FER: variants seen among roughly 807,000 people sequenced by gnomAD.
The protein encoded by FER is tyrosine-protein kinase Fer.
In FER, 63 loss-of-function variants were observed where a neutral mutation model predicts 111.0. The observed-to-expected ratio is 0.57, with a 90% CI of 0.46 to 0.70. The LOEUF (loss-of-function observed/expected upper bound fraction) is 0.70, where lower values mean the gene tolerates loss of function less well. Among genes scored for constraint, FER ranks in the 30% least tolerant of loss-of-function variants. The pLI, the probability that FER is intolerant of heterozygous loss-of-function variation, is 0.00. For missense variants in FER, 914 were observed against 954.0 expected (o/e 0.96, Z 0.55); for synonymous variants, 327 against 313.9 (o/e 1.04, Z -0.44).
At chr5:108,895,981 C>T (rs973583730) in intron 9 of FER, among the ~76,000 whole-genome samples, 12 of 151,782 alleles carry the variant, frequency 7.9e-5, no homozygotes, top group Non-Finnish European at 1.8e-4. Context: ...TGTAAAATTA[C>T]TGTAACAATA....
intron 17 of FER, among the ~76,000 whole-genome samples, chr5:109,126,718 T>G (rs544578535): frequency 2.2e-3 from 332 of 152,300 alleles, no homozygotes; most frequent in Non-Finnish European, 3.7e-3. Context: ...GAATTGCTCC[T>G]TGTCATTATG....
chr5:109,090,592 A>T (rs1426186288), intron 16 of FER, among the ~76,000 whole-genome samples: 1 of 152,218 alleles, frequency 6.6e-6, no homozygotes, highest in Non-Finnish European at 1.5e-5. Context: ...AAACAAAAAA[A>T]TCAGGAAAAC....
intron 17 of FER, among the ~76,000 whole-genome samples, chr5:109,105,775 C>G (rs960704955): frequency 6.6e-6 from 1 of 152,196 alleles, no homozygotes; most frequent in African/African-American, 2.4e-5. Flanking sequence ...TTATTAAGGG[C>G]TCACTGAGTA....
chr5:109,168,055 T>G (rs1756739613), intron 17 of FER, among the ~76,000 whole-genome samples: 1 of 152,178 alleles, frequency 6.6e-6, no homozygotes, highest in Non-Finnish European at 1.5e-5. Flanking sequence ...CTGAGACCAC[T>G]CCTGCTTTGG....
intron 14 of FER, among the ~76,000 whole-genome samples, chr5:109,038,057 C>A (rs2149883302): frequency 1.3e-5 from 2 of 151,730 alleles, no homozygotes; most frequent in South Asian, 4.2e-4. Context: ...CCTTTTCTTC[C>A]AATGTAGTTG....
At chr5:109,032,737 A>C (rs1000082479) in intron 13 of FER, among the ~76,000 whole-genome samples, 2 of 152,214 alleles carry the variant, frequency 1.3e-5, no homozygotes, top group African/African-American at 2.4e-5. Context: ...AAGGCCACCA[A>C]AATCTTTATA....
At chr5:108,883,035 A>G (rs1242872946) in intron 8 of FER, among the ~76,000 whole-genome samples, 1 of 152,024 alleles carries the variant, frequency 6.6e-6, no homozygotes, top group Non-Finnish European at 1.5e-5. Flanking sequence ...AACATCTGCA[A>G]ATAATACTAC....
chr5:109,182,790 C>G (rs372543803), intron 18 of FER, among the ~76,000 whole-genome samples: 3 of 152,198 alleles, frequency 2.0e-5, no homozygotes, highest in African/African-American at 7.2e-5. Context: ...CTGGATATAT[C>G]TAACAGCCAG....
chr5:108,936,837 A>G (rs1755540675), intron 10 of FER, among the ~76,000 whole-genome samples: 1 of 152,072 alleles, frequency 6.6e-6, no homozygotes, highest in Non-Finnish European at 1.5e-5. Context: ...AAATAATTAG[A>G]AAAATCAATC....
intron 16 of FER, among the ~76,000 whole-genome samples, chr5:109,098,882 T>A (rs574444529): frequency 6.6e-6 from 1 of 151,742 alleles, no homozygotes; most frequent in South Asian, 2.1e-4. Context: ...ACTTAATCTG[T>A]GAATAAGAGA....
intron 12 of FER, among the ~76,000 whole-genome samples, chr5:108,955,958 T>C (rs1246001919): frequency 2.6e-5 from 4 of 151,836 alleles, no homozygotes; most frequent in Non-Finnish European, 5.9e-5. Flanking sequence ...TTAGTACATT[T>C]ACATCTCGTA....
chr5:109,166,942 G>T (rs1756616122), intron 17 of FER, among the ~76,000 whole-genome samples: 1 of 146,930 alleles, frequency 6.8e-6, no homozygotes, highest in Admixed American at 6.7e-5. Context: ...ACCACATTCT[G>T]CTAGGTTAGC....
intron 2 of FER, among the ~76,000 whole-genome samples, chr5:108,779,010 CTT>C (rs202242084): frequency 3.5e-5 from 5 of 143,348 alleles, no homozygotes; most frequent in Admixed American, 7.0e-5. Context: ...TGTCTAGGCT[CTT>C]TTTTTTTTTT....
At chr5:108,835,622 C>A in intron 4 of FER, 86 bp from the exon 5 acceptor site, 1 of 765,848 alleles carries the variant, frequency 1.3e-6, no homozygotes, top group South Asian at 1.7e-5. Context: ...GTGAAATACA[C>A]ATCAGTTAAT....
chr5:109,118,934 T>C (rs1267639235), intron 17 of FER, among the ~76,000 whole-genome samples: 2 of 151,834 alleles, frequency 1.3e-5, no homozygotes, highest in East Asian at 3.8e-4. Flanking sequence ...TCAATTTTGT[T>C]GATCTTTTGA....
chr5:108,753,592 G>A (rs190115515), intron 1 of FER, among the ~76,000 whole-genome samples: 58 of 152,074 alleles, frequency 3.8e-4, no homozygotes, highest in African/African-American at 1.2e-3. Flanking sequence ...TAGTGCCCCC[G>A]CAAACACATT....
intron 17 of FER, among the ~76,000 whole-genome samples, chr5:109,132,320 T>C (rs1356940704): frequency 1.3e-5 from 2 of 152,178 alleles, no homozygotes; most frequent in Non-Finnish European, 2.9e-5. Flanking sequence ...AAAATTAAAA[T>C]ACAGCTAAGG....
At position 108,867,919 on chromosome 5, in the gene FER, C is replaced by G; in HGVS notation, c.634C>G (p.Gln212Glu). Residue 212 changes from glutamine (Q) to glutamate (E), a missense_variant, in exon 6 of 20, where the codon CAA (glutamine) becomes GAA (glutamate). Physicochemically the swap from Gln to Glu is conservative, Grantham distance 29. This residue lies in a region of FER where 774 missense variants were observed against 782.6 expected (regional missense o/e 0.99). Transcript: ENST00000281092. ...ITLPLLLDSL[Q>E]KMQEEMIKAL... ...ACTTCCCCTGCTTCTGGACTCCTTA[C>G]AAAAGATGCAAGAAGAAATGATAAA... 6.2e-7 allele frequency: 1 copy of G among 1,609,292 alleles called. No homozygotes were observed. The highest frequency in any genetic ancestry group is 8.5e-7 in the Non-Finnish European group (1 of 1,178,566).
At chr5:108,850,268 C>G (rs1167537029) in intron 5 of FER, among the ~76,000 whole-genome samples, 2 of 150,642 alleles carry the variant, frequency 1.3e-5, no homozygotes, top group African/African-American at 4.9e-5. Flanking sequence ...TATAATGATC[C>G]TCTACTGTTT....
Sources: allele counts gnomAD v4.1 joint callset (sites outside exome capture counted in the v4.1 genomes callset), GRCh38; gene constraint gnomAD v4.1.1; regional missense constraint gnomAD v4.1.1; transcripts MANE v1.5; gene names NCBI Gene and HGNC (gene_info 2026-07-23, HGNC 2026-07-21).